The following MTUS2 variants were observed in gnomAD, a reference collection of about 807,000 sequenced individuals.
The protein encoded by MTUS2 is microtubule-associated tumor suppressor candidate 2.
In MTUS2, 40 loss-of-function variants were observed where a neutral mutation model predicts 114.1. The observed-to-expected ratio is 0.35, with a 90% CI of 0.27 to 0.46. The LOEUF is 0.46. Ranked by LOEUF, MTUS2 falls within the 20% of genes least tolerant of loss-of-function variation. The pLI is 1.00. For synonymous variants in MTUS2, 688 were observed against 672.0 expected (o/e 1.02, Z -0.37); for missense variants, 1,679 against 1,705.4 (o/e 0.98, Z 0.27).
intron 4 of MTUS2, among the ~76,000 whole-genome samples, chr13:29,048,646 T>A (rs955819858): frequency 1.3e-5 from 2 of 152,130 alleles, no homozygotes; most frequent in African/African-American, 4.8e-5. Flanking sequence ...TTTTTTTAGG[T>A]TTTTGTAGAG....
rs1459470605 is a variant in MTUS2 at position 29,281,763 on chromosome 13, A to G, written c.2704A>G (p.Thr902Ala). The change falls in exon 6 of 16, where the codon ACA becomes GCA. Residue 902 changes from threonine (T) to alanine (A), a missense_variant. This residue lies in a region of MTUS2 where 822 missense variants were observed against 899.7 expected (regional missense o/e 0.91). Coordinates refer to ENST00000612955, the MANE Select transcript of MTUS2 (RefSeq NM_001033602.4). ...GAAGGCATCTCTGCCTTCTAAGGAC[A>G]CACCCAAGGGGGCCGGCCGGGTGGC... ...VLKASLPSKD[T>A]PKGAGRVAPP... The G allele has an allele frequency of 6.2e-7, 1 of 1,612,030 alleles. No homozygotes were observed.
At chr13:29,476,050 C>T (rs779102449) in intron 9 of MTUS2, among the ~76,000 whole-genome samples, 1 of 152,086 alleles carries the variant, frequency 6.6e-6, no homozygotes, top group African/African-American at 2.4e-5. Flanking sequence ...TCTTTTATAC[C>T]GTATTTTAAC....
intron 6 of MTUS2, among the ~76,000 whole-genome samples, chr13:29,292,894 C>A (rs941624594): frequency 3.3e-5 from 5 of 152,058 alleles, no homozygotes; most frequent in Non-Finnish European, 4.4e-5. Flanking sequence ...AAGAGCCTGC[C>A]ATTGCATCAG....
At chr13:29,086,461 T>C (rs1207769855) in intron 4 of MTUS2, among the ~76,000 whole-genome samples, 4 of 152,200 alleles carry the variant, frequency 2.6e-5, no homozygotes, top group African/African-American at 9.6e-5. Context: ...CTGGCTTCTT[T>C]AACCTGTTCC....
chr13:29,440,137 A>G (rs561045600), intron 9 of MTUS2, 88 bp downstream of exon 9: 5 of 1,317,174 alleles, frequency 3.8e-6, no homozygotes, highest in Non-Finnish European at 5.3e-6. Context: ...TGCCTCCTGT[A>G]ATAAGCCAGT....
chr13:29,143,870 C>T lies in MTUS2; in HGVS notation c.2644+42900C>T, dbSNP rs531440932. Among the ~76,000 whole-genome samples the T allele has an allele frequency of 3.9e-5, 6 of 152,298 alleles. No individual in the cohort carries two copies. The South Asian group carries it at 1.2e-3, about 32-fold the overall frequency. On this transcript the variant is annotated intron_variant, in intron 5 of 15. Transcript: ENST00000612955. ...CTTTCTTAGAAAAGGAAATAGTTTT[C>T]ATTTTCTCAGCATGTTGATTAACCA...
chr13:29,319,049 A>G (rs1482182083), intron 6 of MTUS2, among the ~76,000 whole-genome samples: 3 of 152,118 alleles, frequency 2.0e-5, no homozygotes, highest in Admixed American at 2.0e-4. Flanking sequence ...GTGTACAAAC[A>G]TTCTTTCATG....
chr13:28,891,444 T>C (rs1878916370), intron 2 of MTUS2, among the ~76,000 whole-genome samples: 1 of 151,938 alleles, frequency 6.6e-6, no homozygotes, highest in Non-Finnish European at 1.5e-5. Context: ...CACACACATA[T>C]TGAAAAAAGG....
intron 6 of MTUS2, chr13:29,307,254 C>A: frequency 1.6e-6 from 1 of 633,856 alleles, no homozygotes. Flanking sequence ...GCTTAGCACC[C>A]CTGGCCAAAG....
intron 4 of MTUS2, among the ~76,000 whole-genome samples, chr13:29,054,205 A>G (rs1888025480): frequency 1.3e-5 from 2 of 152,174 alleles, no homozygotes; most frequent in Admixed American, 6.5e-5. Context: ...TTGTATTCAT[A>G]TATCTTCTTT....
intron 7 of MTUS2, among the ~76,000 whole-genome samples, chr13:29,336,357 A>G (rs555954841): frequency 2.4e-4 from 37 of 152,198 alleles, no homozygotes; most frequent in African/African-American, 7.7e-4. Context: ...ATGTTATGCT[A>G]TTCCTTTCTG....
intron 5 of MTUS2, among the ~76,000 whole-genome samples, chr13:29,189,915 G>A (rs1894377994): frequency 2.0e-5 from 3 of 152,166 alleles, no homozygotes; most frequent in African/African-American, 7.2e-5. Context: ...GAAATAATTA[G>A]GCTTAAATTA....
At chr13:29,330,951 G>T (rs1555265840) in intron 7 of MTUS2, among the ~76,000 whole-genome samples, 1 of 152,016 alleles carries the variant, frequency 6.6e-6, no homozygotes, top group Non-Finnish European at 1.5e-5. Context: ...ATTTGAAGTA[G>T]TTTTTTTCTA....
intron 6 of MTUS2, chr13:29,307,702 A>T: frequency 8.8e-7 from 1 of 1,130,222 alleles, no homozygotes; most frequent in South Asian, 1.2e-5. Flanking sequence ...CCACTTTTTC[A>T]AGCTCATTTC....
chr13:29,230,936 TG>T (rs1896299139), intron 5 of MTUS2, among the ~76,000 whole-genome samples: 1 of 152,200 alleles, frequency 6.6e-6, no homozygotes, highest in South Asian at 2.1e-4. Context: ...GGATTTTGCC[TG>T]CATTACGGGA....
chr13:28,937,240 G>C (rs919845747), intron 2 of MTUS2, among the ~76,000 whole-genome samples: 1 of 151,926 alleles, frequency 6.6e-6, no homozygotes, highest in Admixed American at 6.6e-5. Flanking sequence ...ACACACTGTA[G>C]GTAGCTAGAG....
At chr13:29,407,208 G>C (rs1874826581) in intron 8 of MTUS2, among the ~76,000 whole-genome samples, 1 of 151,982 alleles carries the variant, frequency 6.6e-6, no homozygotes, top group African/African-American at 2.4e-5. Context: ...GTCGTGCCAT[G>C]GCACTCCAGC....
Position 29,025,073 on chromosome 13 carries a change from G to T in MTUS2, c.375G>T (p.Arg125=). 6.2e-7 allele frequency: 1 copy of T among 1,614,002 alleles called. No individual in the cohort carries two copies. Among genetic ancestry groups the T allele is most frequent in the Non-Finnish European group, 8.5e-7 (1 of 1,179,882 alleles). Residue 125 remains arginine, a synonymous_variant, in exon 3 of 16, where the codon CGG becomes CGT. Transcript: ENST00000612955. ...ERGTDSLQTT[R]SIQGPSLSSW... is the part of the protein sequence containing the mutation. ...GCACAGATAGCCTGCAGACCACGCG[G>T]AGTATTCAGGGACCAAGTCTGTCGA...
At chr13:28,925,411 C>T (rs1456036363) in intron 2 of MTUS2, among the ~76,000 whole-genome samples, 4 of 152,146 alleles carry the variant, frequency 2.6e-5, no homozygotes, top group Non-Finnish European at 5.9e-5. Context: ...GACATGTAAT[C>T]AATTTAAGTA....
Sources: allele counts gnomAD v4.1 joint callset (sites outside exome capture counted in the v4.1 genomes callset), GRCh38; gene constraint gnomAD v4.1.1; regional missense constraint gnomAD v4.1.1; transcripts MANE v1.5; gene names NCBI Gene and HGNC (gene_info 2026-07-23, HGNC 2026-07-21).